Variants in SDHA observed in about 807,000 individuals in gnomAD.
SDHA encodes the protein succinate dehydrogenase [ubiquinone] flavoprotein subunit, mitochondrial.
Under a neutral mutation model 78.4 loss-of-function variants are expected in SDHA, and 48 were observed. That is an observed-to-expected ratio of 0.61 (90% CI 0.49 to 0.78). The LOEUF (loss-of-function observed/expected upper bound fraction) is 0.78. Among genes scored for constraint, SDHA ranks in the 30% least tolerant of loss-of-function variants. The pLI is 0.00. For synonymous variants in SDHA, 326 were observed against 353.9 expected, an observed-to-expected ratio of 0.92 and a Z score of 0.88; for missense variants, 680 against 892.7, an observed-to-expected ratio of 0.76 and a Z score of 3.04.
At chr5:224,142 C>G (rs1041920453) in intron 2 of SDHA, among the ~76,000 whole-genome samples, 1 of 152,190 alleles carries the variant, frequency 6.6e-6, no homozygotes, top group Non-Finnish European at 1.5e-5. Context: ...GGGATAGACC[C>G]TCTACCATTC....
the SDHA span, among the ~76,000 whole-genome samples, chr5:268,392 C>T: frequency 6.6e-6 from 1 of 152,030 alleles, no homozygotes; most frequent in Admixed American, 6.5e-5. Flanking sequence ...CCATGTTAGC[C>T]AGGATGGTCT....
chr5:266,159 GTCCAA>G, the SDHA span, among the ~76,000 whole-genome samples: 1 of 152,258 alleles, frequency 6.6e-6, no homozygotes, highest in Non-Finnish European at 1.5e-5. Context: ...GGATGACTTG[GTCCAA>G]TAAATGAAGG....
Position 251,643 on chromosome 5 carries a change from A to G in SDHA, c.1794+175A>G. On this transcript the variant is annotated intron_variant, in intron 13 of 14. Transcript: ENST00000264932. The stretch of plus-strand genomic sequence containing the variant: ...CTGGGTTCTCGCCATCTTCTGGATC[A>G]CTGTGACCTTTTCCTTGCTTTGGGT... The G allele has an allele frequency of 2.6e-6, 4 of 1,530,382 alleles. 1 individual carries two copies. The highest frequency in any genetic ancestry group is 3.5e-6 in the Non-Finnish European group (4 of 1,135,232). 94.8% of individuals were successfully genotyped at this position (1,530,382 alleles called of 1,614,324 possible).
chr5:233,956 C>T (rs1276990979), intron 8 of SDHA: 1 of 387,888 alleles, frequency 2.6e-6, no homozygotes, highest in East Asian at 5.6e-5. Flanking sequence ...GGTGTTGTGT[C>T]TGATACCCAC....
At chr5:251,586 A>C (rs1041036888) in intron 13 of SDHA, 118 bp downstream of exon 13, 19 of 1,552,660 alleles carry the variant, frequency 1.2e-5, no homozygotes, top group African/African-American at 1.7e-5. Context: ...AAATCCAAAA[A>C]ATGCCTTTTT....
chr5:257,317 G>C (rs539174467), downstream of SDHA, among the ~76,000 whole-genome samples: 1 of 152,184 alleles, frequency 6.6e-6, no homozygotes, highest in South Asian at 2.1e-4. Flanking sequence ...GTGAGCTACT[G>C]TGTGAGCTCC....
In SDHA at chr5:218,395, C is replaced by A. The variant is rs1192077362; in HGVS notation, c.40C>A (p.Arg14=). 6.2e-6 allele frequency: 9 copies of A among 1,446,550 alleles called. No homozygotes were observed. Among genetic ancestry groups the A allele is most frequent in the Non-Finnish European group, 8.1e-6 (9 of 1,108,928 alleles). 89.6% of individuals were successfully genotyped at this position (1,446,550 alleles called of 1,614,324 possible). Residue 14 remains arginine, a synonymous_variant, in exon 1 of 15, where the codon CGG becomes AGG. Transcript: ENST00000264932. ...GGGCCTGTCGCGGCTGCTGAGCGCT[C>A]GGCGCCTGGCGCTGGCCAAGGCGGT... ...VRGLSRLLSA[R]RLALAKAWPT...
At chr5:242,336 A>T (rs1736194781) in intron 11 of SDHA, among the ~76,000 whole-genome samples, 2 of 152,244 alleles carry the variant, frequency 1.3e-5, no homozygotes, top group African/African-American at 4.8e-5. Flanking sequence ...CACCTGGCCC[A>T]CCCAGGGTGG....
At chr5:267,384 C>T in the SDHA span, among the ~76,000 whole-genome samples, 2 of 152,208 alleles carry the variant, frequency 1.3e-5, no homozygotes, top group Non-Finnish European at 2.9e-5. Context: ...AGCCATCAGT[C>T]ATCCTGAGAA....
the SDHA span, among the ~76,000 whole-genome samples, chr5:266,892 A>AGACCCGCGCC: frequency 2.9e-3 from 445 of 150,876 alleles, 17 homozygotes; most frequent in African/African-American, 4.6e-3. Flanking sequence ...TAAAATATTC[A>AGACCCGCGCC]GTCCCGTGCA....
At chr5:248,527 G>A (rs1441739079) in intron 11 of SDHA, among the ~76,000 whole-genome samples, 2 of 152,172 alleles carry the variant, frequency 1.3e-5, no homozygotes, top group Non-Finnish European at 2.9e-5. Context: ...TGGCAAGAAT[G>A]CCTGGATGTA....
At chr5:254,105 A>AT (rs1561013685) in intron 13 of SDHA, among the ~76,000 whole-genome samples, 1 of 148,344 alleles carries the variant, frequency 6.7e-6, no homozygotes, top group African/African-American at 2.5e-5. Context: ...CTCCCAGCAC[A>AT]TGGAGCAAAA....
chr5:241,797 G>A (rs1736157852), intron 11 of SDHA, among the ~76,000 whole-genome samples: 1 of 152,260 alleles, frequency 6.6e-6, no homozygotes, highest in Admixed American at 6.5e-5. Context: ...GTGCCCTTCA[G>A]TCTTCAAGTG....
intron 6 of SDHA, among the ~76,000 whole-genome samples, chr5:229,609 C>T (rs909122847): frequency 5.3e-5 from 8 of 152,154 alleles, no homozygotes; most frequent in South Asian, 2.1e-4. Context: ...CAGACTGTGG[C>T]GATGCTGATT....
chr5:220,884 C>T (rs1734675834), intron 1 of SDHA, among the ~76,000 whole-genome samples: 1 of 148,612 alleles, frequency 6.7e-6, no homozygotes, highest in South Asian at 2.1e-4. Context: ...GCAATCTCGG[C>T]TCACTGCAAG....
chr5:226,073 A>T, intron 5 of SDHA, 26 bp downstream of exon 5: 2 of 1,613,590 alleles, frequency 1.2e-6, no homozygotes, highest in Non-Finnish European at 1.7e-6. Context: ...TCCACCTGAG[A>T]CAGGACACGT....
At chr5:242,646 C>G (rs1316742994) in intron 11 of SDHA, among the ~76,000 whole-genome samples, 1 of 152,132 alleles carries the variant, frequency 6.6e-6, no homozygotes, top group Admixed American at 6.5e-5. Flanking sequence ...CCGAGCTGGT[C>G]TCGGCAAATG....
In SDHA at chr5:224,496, C is replaced by T. The variant is rs377620054; in HGVS notation, c.287C>T (p.Thr96Ile). Residue 96 changes from threonine to isoleucine, a missense_variant, in exon 3 of 15, where the codon ACC becomes ATC. Coordinates refer to ENST00000264932, the MANE Select transcript of SDHA (RefSeq NM_004168.4). Reference sequence around the variant, plus strand: ...GCATGTGTTACCAAGCTGTTTCCTACCAGGTCACACACTGTTGCAGCACAG... The same window carrying T: ...GCATGTGTTACCAAGCTGTTTCCTATCAGGTCACACACTGTTGCAGCACAG... Reference protein sequence around the residue: ...NTACVTKLFPTRSHTVAAQGG... With the variant: ...NTACVTKLFPIRSHTVAAQGG... 56 of 1,612,784 alleles carry T rather than the reference C, an allele frequency of 3.5e-5. No individual in the cohort carries two copies. Among genetic ancestry groups the T allele is most frequent in the Non-Finnish European group, 4.7e-5 (56 of 1,179,862 alleles).
At chr5:259,026 G>C (rs867926230), downstream of SDHA, among the ~76,000 whole-genome samples, 2 of 38,568 alleles carry the variant, frequency 5.2e-5, no homozygotes, top group Non-Finnish European at 4.9e-5. Context: ...CCTCCCGCCA[G>C]AGCATTACCG....
Sources: gnomAD v4.1 joint callset for allele counts (sites outside exome capture counted in the v4.1 genomes callset) on GRCh38, gnomAD v4.1.1 for gene constraint, MANE v1.5 for transcripts, NCBI Gene and HGNC (gene_info 2026-07-23, HGNC 2026-07-21) for gene names.